The following MFAP3 variants were observed in gnomAD, a reference collection of about 807,000 sequenced individuals.
MFAP3 encodes the protein microfibril-associated glycoprotein 3.
MFAP3 carries 8 observed loss-of-function variants against 20.5 expected under a neutral mutation model. The observed-to-expected ratio is 0.39, with a 90% CI of 0.23 to 0.70. MFAP3 has a LOEUF of 0.70. Ranked by LOEUF, MFAP3 falls within the 30% of genes least tolerant of loss-of-function variation. The pLI, the probability that MFAP3 is intolerant of heterozygous loss-of-function variation, is 0.44. For synonymous variants in MFAP3, 140 were observed against 154.0 expected, an observed-to-expected ratio of 0.91 and a Z score of 0.67; for missense variants, 398 against 444.6, an observed-to-expected ratio of 0.90 and a Z score of 0.94.
At chr5:154,050,333 A>G (rs1228880850) in intron 2 of MFAP3, among the ~76,000 whole-genome samples, 1 of 152,192 alleles carries the variant, frequency 6.6e-6, no homozygotes, top group Admixed American at 6.5e-5. Flanking sequence ...ACAGCTGTAC[A>G]GGTGGTATAC....
rs138205372 is a variant in MFAP3 at position 154,056,348 on chromosome 5, C to CT, written c.*2637dup. On this transcript the variant is annotated 3_prime_UTR_variant, in exon 3 of 3. Transcript: ENST00000522782. ...CAAAATTTAATTGGAGTTGGTATTACTTCGTAAAGCTAGTTTTCAAGAGGA... is the reference window on the plus strand; with the variant it reads ...CAAAATTTAATTGGAGTTGGTATTACTTTCGTAAAGCTAGTTTTCAAGAGGA... 6.6e-6 allele frequency among the ~76,000 whole-genome samples: 1 copy of CT among 152,148 alleles called. No homozygotes were observed. The highest frequency in any genetic ancestry group is 1.5e-5 in the Non-Finnish European group (1 of 68,014).
In MFAP3 at chr5:154,049,857, C is replaced by T. The variant is rs753192058; in HGVS notation, c.135C>T (p.Pro45=). The change falls in exon 2 of 3, where the codon CCC becomes CCT. Residue 45 remains proline, a synonymous_variant. Transcript: ENST00000522782. The part of the protein sequence containing the change: ...ANRSSYNASF[P]SSFELSASSH... ...GTAGTTCTTACAATGCATCCTTTCC[C>T]TCAAGCTTTGAACTCTCAGCAAGTT... 3 of 1,613,698 alleles carry T rather than the reference C, an allele frequency of 1.9e-6. No homozygotes were observed. The highest frequency in any genetic ancestry group is 1.7e-5 in the Admixed American group (1 of 59,968).
intron 1 of MFAP3, among the ~76,000 whole-genome samples, chr5:154,041,839 T>A (rs1772960754): frequency 6.6e-6 from 1 of 152,196 alleles, no homozygotes; most frequent in Admixed American, 6.5e-5. Flanking sequence ...AGGACTTAAT[T>A]GAAAAATGTG....
rs11167656 is a variant in MFAP3, at chr5:154,050,610, C to CTTTTTTTTTTTTTTTTTTTTTT, written c.295+594_295+615dup. 3.8e-4 allele frequency among the ~76,000 whole-genome samples: 35 copies of CTTTTTTTTTTTTTTTTTTTTTT among 93,276 alleles called. 1 individual carries two copies. Among genetic ancestry groups the CTTTTTTTTTTTTTTTTTTTTTT allele is most frequent in the East Asian group, 7.4e-4 (2 of 2,696 alleles). 61.2% of individuals were successfully genotyped at this position (93,276 alleles called of 152,430 possible). ...ATGGAACTTGTAAGCCCTTCCAGCTCTTTTTTTTTTTTTTTTTTTTTTGTA... is the reference window on the plus strand; with the variant it reads ...ATGGAACTTGTAAGCCCTTCCAGCTCTTTTTTTTTTTTTTTTTTTTTTTTTTTTTTTTTTTTTTTTTTTTGTA... On this transcript the variant is annotated intron_variant, in intron 2 of 2. Transcript: ENST00000522782.
chr5:154,045,325 C>T (rs1773051115), intron 1 of MFAP3, among the ~76,000 whole-genome samples: 1 of 152,132 alleles, frequency 6.6e-6, no homozygotes. Context: ...ACTGAGGACA[C>T]ATACAATGTC....
chr5:154,041,132 C>CA (rs1176053953), intron 1 of MFAP3, among the ~76,000 whole-genome samples: 477 of 111,380 alleles, frequency 4.3e-3, no homozygotes, highest in African/African-American at 5.9e-3. Flanking sequence ...ACTGACAGAG[C>CA]AAAAAAAAAA....
Position 154,053,795 on chromosome 5 carries a change from T to C in MFAP3, c.*82T>C. 7.6e-7 allele frequency: 1 copy of C among 1,318,104 alleles called. No homozygotes were observed. Among genetic ancestry groups the C allele is most frequent in the Non-Finnish European group, 1.0e-6 (1 of 955,690 alleles). The allele number at this position is 1,318,104 out of a possible 1,614,324, so 81.7% of individuals were successfully genotyped here. On this transcript the variant is annotated 3_prime_UTR_variant, in exon 3 of 3. Transcript: ENST00000522782. ...TGTTTCTTAGAAGAAGTAACATTTT[T>C]GCCAAAAGATGACTGGGGTTTTCCG...
rs757304581 is a variant in MFAP3 at position 154,052,984 on chromosome 5, G to A, written c.360G>A (p.Gly120=). Reference sequence around the variant, plus strand: ...CCAATGTAGCTTTTGATGACCGTGGGCTCTATACCTGTTTCGTCACCTCTC... The same window carrying A: ...CCAATGTAGCTTTTGATGACCGTGGACTCTATACCTGTTTCGTCACCTCTC... ...NITNVAFDDR[G]LYTCFVTSPI... Residue 120 remains glycine, a synonymous_variant, in exon 3 of 3, where the codon GGG becomes GGA. Coordinates refer to ENST00000522782, the MANE Select transcript of MFAP3 (RefSeq NM_005927.5). The A allele has an allele frequency of 1.2e-6, 2 of 1,613,756 alleles. No individual in the cohort carries two copies. The highest frequency in any genetic ancestry group is 1.7e-6 in the Non-Finnish European group (2 of 1,179,806).
At chr5:154,045,067 C>G (rs963961281) in intron 1 of MFAP3, among the ~76,000 whole-genome samples, 24 of 152,002 alleles carry the variant, frequency 1.6e-4, no homozygotes, top group African/African-American at 5.6e-4. Flanking sequence ...CTTCCCCATC[C>G]CTCTTGTCCT....
At chr5:154,047,629 C>T (rs1340224653) in intron 1 of MFAP3, among the ~76,000 whole-genome samples, 1 of 152,042 alleles carries the variant, frequency 6.6e-6, no homozygotes. Flanking sequence ...TTTATGTGTA[C>T]GGTTACATTT....
Position 154,056,274 on chromosome 5 carries a change from C to CT in MFAP3, c.*2564dup, listed in dbSNP as rs933266337. Among the ~76,000 whole-genome samples, 1 of 152,126 alleles carries CT rather than the reference C, an allele frequency of 6.6e-6. No homozygotes were observed. Among genetic ancestry groups the CT allele is most frequent in the Non-Finnish European group, 1.5e-5 (1 of 68,016 alleles). ...TTTGGTGGCCAAAGTAACTGGTTTACTTTGAGTGTACCAGCTTATGGTGCC... is the reference window on the plus strand; with the variant it reads ...TTTGGTGGCCAAAGTAACTGGTTTACTTTTGAGTGTACCAGCTTATGGTGCC... On this transcript the variant is annotated 3_prime_UTR_variant, in exon 3 of 3. Coordinates refer to ENST00000522782, the MANE Select transcript of MFAP3 (RefSeq NM_005927.5).
chr5:154,047,355 G>A (rs1773089695), intron 1 of MFAP3, among the ~76,000 whole-genome samples: 2 of 152,176 alleles, frequency 1.3e-5, no homozygotes. Context: ...TGGGGCAGTA[G>A]GTAGGCACAT....
At chr5:154,045,328 A>G (rs1317687959) in intron 1 of MFAP3, among the ~76,000 whole-genome samples, 2 of 152,198 alleles carry the variant, frequency 1.3e-5, no homozygotes, top group East Asian at 1.9e-4. Context: ...GAGGACACAT[A>G]CAATGTCATA....
chr5:154,056,062 C>G lies in MFAP3; in HGVS notation c.*2349C>G, dbSNP rs367686589. On this transcript the variant is annotated 3_prime_UTR_variant, in exon 3 of 3. Coordinates refer to ENST00000522782, the MANE Select transcript of MFAP3 (RefSeq NM_005927.5). Reference sequence around the variant, plus strand: ...AGAGAATGGTTTTACCCCACATGTTCTCATAGGAGACATTATTATTTAGAA... The same window carrying G: ...AGAGAATGGTTTTACCCCACATGTTGTCATAGGAGACATTATTATTTAGAA... Among the ~76,000 whole-genome samples the G allele has an allele frequency of 1.3e-5, 2 of 152,272 alleles. No homozygotes were observed. Among genetic ancestry groups the G allele is most frequent in the East Asian group, 3.9e-4 (2 of 5,180 alleles).
rs370586781 is a variant in MFAP3 at position 154,050,030 on chromosome 5, G to T, written c.295+13G>T. On this transcript the variant is annotated intron_variant, in intron 2 of 2. Transcript: ENST00000522782. ...GGCAGAAGCAGAGGTAATTGGTCAG[G>T]GTATAATTAATCAAGGTTACTCATT... is the stretch of plus-strand genomic sequence containing the variant. 1.9e-6 allele frequency: 3 copies of T among 1,573,394 alleles called. No individual in the cohort carries two copies. The highest frequency in any genetic ancestry group is 2.6e-6 in the Non-Finnish European group (3 of 1,157,480).
At chr5:154,039,239 G>A (rs1044735669) in intron 1 of MFAP3, 16 of 152,326 alleles carry the variant, frequency 1.1e-4, no homozygotes, top group African/African-American at 3.8e-4. Flanking sequence ...CGAACGGAAG[G>A]GCCCTGCTCT....
At chr5:154,042,915 C>G (rs1772989172) in intron 1 of MFAP3, among the ~76,000 whole-genome samples, 1 of 152,092 alleles carries the variant, frequency 6.6e-6, no homozygotes, top group African/African-American at 2.4e-5. Flanking sequence ...ACATCAGTTT[C>G]CTCAGCCAAC....
intron 1 of MFAP3, among the ~76,000 whole-genome samples, chr5:154,048,637 G>A (rs949768829): frequency 2.6e-5 from 4 of 152,070 alleles, no homozygotes; most frequent in African/African-American, 9.7e-5. Flanking sequence ...CAAATTACCA[G>A]GAAGGTGATC....
Position 154,049,677 on chromosome 5 carries a change from G to T in MFAP3, c.-46G>T. The T allele has an allele frequency of 6.4e-7, 1 of 1,570,108 alleles. No homozygotes were observed. The highest frequency in any genetic ancestry group is 8.7e-7 in the Non-Finnish European group (1 of 1,154,850). ...GCTGTGCTTTTGTTGTAGTGTAGAA[G>T]TTTTTGAGTTCTCCAAATCTAAACA... On this transcript the variant is annotated 5_prime_UTR_variant, in exon 2 of 3. Coordinates refer to ENST00000522782, the MANE Select transcript of MFAP3 (RefSeq NM_005927.5).
Sources: allele counts gnomAD v4.1 joint callset (sites outside exome capture counted in the v4.1 genomes callset), GRCh38; gene constraint gnomAD v4.1.1; transcripts MANE v1.5; gene names NCBI Gene and HGNC (gene_info 2026-07-23, HGNC 2026-07-21).